MMD: variants seen among roughly 807,000 people sequenced by gnomAD.
MMD encodes monocyte to macrophage differentiation associated.
A neutral mutation model predicts 33.6 loss-of-function variants in MMD; 22 were observed. That is an observed-to-expected ratio of 0.66 (90% confidence interval 0.47 to 0.94). The LOEUF (loss-of-function observed/expected upper bound fraction) is 0.94, where lower values mean the gene tolerates loss of function less well. Ranked by LOEUF, MMD falls within the 40% of genes least tolerant of loss-of-function variation. The pLI, the probability that MMD is intolerant of heterozygous loss-of-function variation, is 0.00. For synonymous variants in MMD, 97 were observed against 103.2 expected (o/e 0.94, Z 0.36); for missense variants, 242 against 309.8 (o/e 0.78, Z 1.64).
intron 3 of MMD, among the ~76,000 whole-genome samples, chr17:55,409,041 C>T (rs1047573478): frequency 2.0e-5 from 3 of 151,872 alleles, no homozygotes; most frequent in South Asian, 2.1e-4. Context: ...ATATACCTAC[C>T]GTGTATCCAC....
intron 1 of MMD, among the ~76,000 whole-genome samples, chr17:55,417,883 T>C (rs1908030534): frequency 6.6e-6 from 1 of 152,118 alleles, no homozygotes; most frequent in African/African-American, 2.4e-5. Flanking sequence ...CCAAAGTGCT[T>C]ACGATAGCAC....
chr17:55,409,739 G>T (rs973123904), intron 3 of MMD, among the ~76,000 whole-genome samples: 5 of 152,180 alleles, frequency 3.3e-5, no homozygotes. Context: ...TTACACCTCT[G>T]GCAGGGAGAC....
rs1906976576 is a variant in MMD at position 55,393,088 on chromosome 17, A to C, written c.*1246T>G. The C allele has an allele frequency of 6.6e-6, 1 of 152,152 alleles. No homozygotes were observed. Among genetic ancestry groups the C allele is most frequent in the African/African-American group, 2.4e-5 (1 of 41,440 alleles). 9.4% of individuals were successfully genotyped at this position (152,152 alleles called of 1,614,324 possible). A position where few individuals can be genotyped will look rare whatever the true frequency, so the allele number is the denominator to read the frequency against. ...ATTAAAACACCAACAAGAGAGATTA[A>C]TCAACAAAGCAACTATTAACAACAT... On this transcript the variant is annotated 3_prime_UTR_variant, in exon 7 of 7. Transcript: ENST00000262065.
At chr17:55,404,278 C>T (rs1252077480) in intron 4 of MMD, among the ~76,000 whole-genome samples, 1 of 151,942 alleles carries the variant, frequency 6.6e-6, no homozygotes, top group Non-Finnish European at 1.5e-5. Flanking sequence ...TTGCTTGAGC[C>T]CGGGAGGCAG....
intron 6 of MMD, among the ~76,000 whole-genome samples, chr17:55,395,230 C>T (rs1354618083): frequency 2.0e-5 from 3 of 152,144 alleles, no homozygotes; most frequent in Admixed American, 6.5e-5. Flanking sequence ...TTAGGCTGTT[C>T]TTGGTTTTCA....
chr17:55,400,533 G>A (rs1043147163), intron 6 of MMD, among the ~76,000 whole-genome samples: 1 of 143,690 alleles, frequency 7.0e-6, no homozygotes, highest in African/African-American at 2.6e-5. Flanking sequence ...GGGCAACAGA[G>A]CAAGACTTTG....
In MMD at chr17:55,421,687, G is replaced by T. The variant is rs1269857146; in HGVS notation, c.9C>A (p.Phe3Leu). The T allele has an allele frequency of 2.1e-5, 34 of 1,596,546 alleles. No individual in the cohort carries two copies. Among genetic ancestry groups the T allele is most frequent in the Non-Finnish European group, 2.9e-5 (34 of 1,172,478 alleles). ...CCTCTCACCGCTGGAATCGATTCTT[G>T]AACCGCATTGATCCTCTGCTCCTCC... MR[F>L]KNRFQRFMNH... The change falls in exon 1 of 7, where the codon TTC becomes TTA. Residue 3 changes from phenylalanine (F) to leucine (L), a missense_variant. By Grantham distance (22) the Phe-to-Leu change is conservative. Coordinates refer to ENST00000262065, the MANE Select transcript of MMD (RefSeq NM_012329.3).
At chr17:55,403,365 G>A (rs911522180) in intron 5 of MMD, among the ~76,000 whole-genome samples, 1 of 152,030 alleles carries the variant, frequency 6.6e-6, no homozygotes, top group Non-Finnish European at 1.5e-5. Context: ...TACCCTCTAG[G>A]CCCTTATTTA....
chr17:55,401,990 ACCCG>A (rs1907351204), intron 5 of MMD, among the ~76,000 whole-genome samples: 1 of 35,752 alleles, frequency 2.8e-5, no homozygotes, highest in Admixed American at 1.9e-4. Flanking sequence ...AATGGCGTGA[ACCCG>A]AATGGCGTGA....
chr17:55,410,682 T>C (rs1484770477), intron 3 of MMD, among the ~76,000 whole-genome samples: 1 of 152,228 alleles, frequency 6.6e-6, no homozygotes, highest in African/African-American at 2.4e-5. Context: ...AAACGCAAAC[T>C]ATAAGTATAC....
At chr17:55,412,866 C>A (rs1356751868) in intron 2 of MMD, among the ~76,000 whole-genome samples, 2 of 151,946 alleles carry the variant, frequency 1.3e-5, no homozygotes, top group Non-Finnish European at 2.9e-5. Flanking sequence ...TAAAGGAATG[C>A]CCTTTATCTT....
intron 4 of MMD, among the ~76,000 whole-genome samples, chr17:55,405,325 G>C (rs960490721): frequency 6.6e-6 from 1 of 150,542 alleles, no homozygotes; most frequent in South Asian, 2.1e-4. Flanking sequence ...AGCCAAGATC[G>C]CGCCATTGCA....
At chr17:55,414,543 C>T (rs937851779) in intron 1 of MMD, among the ~76,000 whole-genome samples, 2 of 134,512 alleles carry the variant, frequency 1.5e-5, no homozygotes, top group African/African-American at 5.5e-5. Context: ...CAACTGGAAC[C>T]CTCCTCCTCC....
chr17:55,396,591 TTTG>T (rs1374447025), intron 6 of MMD, among the ~76,000 whole-genome samples: 1 of 152,098 alleles, frequency 6.6e-6, no homozygotes, highest in African/African-American at 2.4e-5. Flanking sequence ...TTATTTTGCT[TTTG>T]TTGTTGTTGG....
chr17:55,408,585 T>A (rs569562864), intron 3 of MMD, among the ~76,000 whole-genome samples: 28 of 152,350 alleles, frequency 1.8e-4, no homozygotes, highest in African/African-American at 5.3e-4. Context: ...CTTGAATCTA[T>A]TTTCAGTGTC....
chr17:55,394,836 T>A (rs979483416), intron 6 of MMD, among the ~76,000 whole-genome samples: 1 of 152,260 alleles, frequency 6.6e-6, no homozygotes, highest in Non-Finnish European at 1.5e-5. Context: ...TAGCCAGACA[T>A]GGGAGTTCAT....
intron 4 of MMD, among the ~76,000 whole-genome samples, chr17:55,405,274 G>A (rs1049351686): frequency 1.3e-5 from 2 of 151,646 alleles, no homozygotes; most frequent in Non-Finnish European, 2.9e-5. Flanking sequence ...GAAGGCTGAC[G>A]CAGGAGAATC....
At chr17:55,401,758 A>C (rs1380455985) in intron 5 of MMD, among the ~76,000 whole-genome samples, 5 of 152,180 alleles carry the variant, frequency 3.3e-5, no homozygotes, top group Non-Finnish European at 7.3e-5. Context: ...AAAGGCATCA[A>C]ATCCCACATG....
Position 55,421,818 on chromosome 17 carries a change from G to T in MMD, c.-123C>A. ...CCTGCGTGTCCAGCGGAACCCTTCGGCCGGGTAGGGTCGGAGTGGGCCAGG... is the reference window on the plus strand; with the variant it reads ...CCTGCGTGTCCAGCGGAACCCTTCGTCCGGGTAGGGTCGGAGTGGGCCAGG... On this transcript the variant is annotated 5_prime_UTR_variant, in exon 1 of 7. Transcript: ENST00000262065. 8.4e-7 allele frequency: 1 copy of T among 1,186,398 alleles called. No homozygotes were observed. Among genetic ancestry groups the T allele is most frequent in the Non-Finnish European group, 1.1e-6 (1 of 876,750 alleles). 73.5% of individuals were successfully genotyped at this position (1,186,398 alleles called of 1,614,324 possible).
Sources: allele counts gnomAD v4.1 joint callset (sites outside exome capture counted in the v4.1 genomes callset), GRCh38; gene constraint gnomAD v4.1.1; transcripts MANE v1.5; gene names NCBI Gene and HGNC (gene_info 2026-07-23, HGNC 2026-07-21).